The following DOCK9 variants were observed in gnomAD, a reference collection of about 807,000 sequenced individuals.
DOCK9 encodes dedicator of cytokinesis 9.
Under a neutral mutation model 263.3 loss-of-function variants are expected in DOCK9, and 89 were observed. The ratio of observed to expected loss-of-function variants is 0.34; its 90% confidence interval spans 0.28 to 0.40. The LOEUF (loss-of-function observed/expected upper bound fraction) is 0.40. Ranked by LOEUF, DOCK9 falls within the 10% of genes least tolerant of loss-of-function variation. The pLI, the probability that DOCK9 is intolerant of heterozygous loss-of-function variation, is 1.00. For synonymous variants in DOCK9, 976 were observed against 973.1 expected, an observed-to-expected ratio of 1.00 and a Z score of -0.06; for missense variants, 2,140 against 2,603.4, an observed-to-expected ratio of 0.82 and a Z score of 3.87.
rs7326705 is a variant in DOCK9, at chr13:98,835,842, C to T, written c.4314+1652G>A. ...GCAACCTCCGCCTCCTGGGTTCAAGCGATTCCCCTGCCTTAGCCTCCCGTA... is the reference window on the plus strand; with the variant it reads ...GCAACCTCCGCCTCCTGGGTTCAAGTGATTCCCCTGCCTTAGCCTCCCGTA... On this transcript the variant is annotated intron_variant, in intron 39 of 52. Coordinates refer to ENST00000682017, the MANE Select transcript of DOCK9 (RefSeq NM_001366683.2). Among the ~76,000 whole-genome samples, 686 of 147,648 alleles carry T rather than the reference C, an allele frequency of 4.6e-3. 8 individuals carry two copies. The highest frequency in any genetic ancestry group is 0.016 in the African/African-American group (642 of 39,936).
At chr13:98,828,304 A>G (rs1189151899) in intron 43 of DOCK9, among the ~76,000 whole-genome samples, 1 of 152,242 alleles carries the variant, frequency 6.6e-6, no homozygotes, top group Non-Finnish European at 1.5e-5. Flanking sequence ...TAATTCACAG[A>G]GGAACAGCTG....
rs750627318 is a variant in DOCK9, at chr13:98,888,163, G to C, written c.2038C>G (p.Leu680Val). 1.1e-5 allele frequency: 18 copies of C among 1,598,868 alleles called. No homozygotes were observed. The highest frequency in any genetic ancestry group is 1.4e-5 in the Non-Finnish European group (17 of 1,173,540). The change falls in exon 18 of 53, where the codon CTT (leucine) becomes GTT (valine). Residue 680 changes from leucine (L) to valine (V), a missense_variant. By Grantham distance (32) the Leu-to-Val change is conservative (BLOSUM62 1). Coordinates refer to ENST00000682017, the MANE Select transcript of DOCK9 (RefSeq NM_001366683.2). Reference sequence around the variant, plus strand: ...TATATTAAAAAAAAACAAACCTTAAGGGGCTGAGAGTCTTCCTCATCTGAA... The same window carrying C: ...TATATTAAAAAAAAACAAACCTTAACGGGCTGAGAGTCTTCCTCATCTGAA... ...KDSDEEDSQP[L>V]KCIYGRPGGP...
At chr13:98,931,312 T>TTTTAG (rs1241079681) in intron 2 of DOCK9, among the ~76,000 whole-genome samples, 2 of 151,510 alleles carry the variant, frequency 1.3e-5, no homozygotes, top group Non-Finnish European at 2.9e-5. Flanking sequence ...TTTTATTTTA[T>TTTTAG]TTTTTGAGAC....
chr13:98,999,271 T>C (rs1236882458), intron 1 of DOCK9, among the ~76,000 whole-genome samples: 1 of 131,844 alleles, frequency 7.6e-6, no homozygotes, highest in Non-Finnish European at 1.7e-5. Flanking sequence ...TATGAACAGA[T>C]GTGTGCACGC....
chr13:98,868,002 T>C lies in DOCK9; in HGVS notation c.3100A>G (p.Thr1034Ala). ...AAGACAAAGCCCCTGTCCATGAAGG[T>C]GAAACATCTCTGTGGAGGAAAACAA... ...SLAVFIKRCF[T>A]FMDRGFVFKQ... is the part of the protein sequence containing the mutation. The change falls in exon 29 of 53, where the codon ACC becomes GCC. Residue 1034 changes from threonine to alanine, a missense_variant. Thr to Ala is a moderately conservative substitution (Grantham distance 58, BLOSUM62 0). Transcript: ENST00000682017. The C allele has an allele frequency of 6.2e-7, 1 of 1,613,490 alleles. No homozygotes were observed. Among genetic ancestry groups the C allele is most frequent in the Non-Finnish European group, 8.5e-7 (1 of 1,179,732 alleles).
At chr13:98,867,634 G>A (rs2094068408) in intron 29 of DOCK9, 98 bp from the exon 30 acceptor site, 3 of 824,394 alleles carry the variant, frequency 3.6e-6, no homozygotes, top group Non-Finnish European at 5.9e-6. Flanking sequence ...ATAGTCATTA[G>A]CTTCTTGACC....
At chr13:98,804,316 C>T (rs1339332687) in intron 49 of DOCK9, among the ~76,000 whole-genome samples, 1 of 152,186 alleles carries the variant, frequency 6.6e-6, no homozygotes, top group African/African-American at 2.4e-5. Context: ...GTCAAGCTCT[C>T]CCACAGAAGG....
intron 18 of DOCK9, 141 bp from the exon 19 acceptor site, chr13:98,886,765 C>T (rs759199200): frequency 1.9e-4 from 144 of 744,308 alleles, no homozygotes; most frequent in Non-Finnish European, 2.8e-4. Flanking sequence ...CTGTGAGCCC[C>T]GGACTGCTGG....
At chr13:99,072,265 G>A (rs528506177) in intron 1 of DOCK9, among the ~76,000 whole-genome samples, 5 of 152,036 alleles carry the variant, frequency 3.3e-5, no homozygotes, top group Non-Finnish European at 4.4e-5. Flanking sequence ...ACAGCGCTAC[G>A]GTCCCTTCCA....
intron 1 of DOCK9, among the ~76,000 whole-genome samples, chr13:99,009,139 T>C (rs914813139): frequency 5.3e-5 from 8 of 152,232 alleles, no homozygotes; most frequent in Non-Finnish European, 7.3e-5. Flanking sequence ...GGAATCCCAC[T>C]GATAAATAAG....
At chr13:98,907,833 C>T (rs189101883) in intron 9 of DOCK9, among the ~76,000 whole-genome samples, 1 of 152,222 alleles carries the variant, frequency 6.6e-6, no homozygotes, top group East Asian at 1.9e-4. Flanking sequence ...CAGGACTTTG[C>T]CCCAGAGTCA....
intron 18 of DOCK9, 109 bp downstream of exon 18, chr13:98,888,049 G>T: frequency 1.4e-6 from 1 of 698,324 alleles, no homozygotes; most frequent in Non-Finnish European, 2.4e-6. Context: ...TTTGATTTGT[G>T]TCAATTAAAA....
chr13:99,073,538 T>C, intron 1 of DOCK9, among the ~76,000 whole-genome samples: 1 of 152,126 alleles, frequency 6.6e-6, no homozygotes, highest in East Asian at 1.9e-4. Flanking sequence ...GGGTTCTCCT[T>C]GACCAGGTCT....
chr13:99,016,144 G>C (rs1272452968), intron 1 of DOCK9: 1 of 151,896 alleles, frequency 6.6e-6, no homozygotes, highest in African/African-American at 2.4e-5. Context: ...CTCTTTCCTT[G>C]ACCTAAATAT....
At chr13:98,967,157 T>G (rs2059292144) in intron 1 of DOCK9, among the ~76,000 whole-genome samples, 1 of 152,268 alleles carries the variant, frequency 6.6e-6, no homozygotes, top group African/African-American at 2.4e-5. Context: ...ACAAGTTGCT[T>G]ATTTAACCTT....
intron 48 of DOCK9, 41 bp downstream of exon 48, chr13:98,807,617 CACA>C (rs1566543434): frequency 1.4e-6 from 2 of 1,467,318 alleles, no homozygotes; most frequent in Non-Finnish European, 1.8e-6. Flanking sequence ...TGTAATCAAT[CACA>C]ACATTACATT....
At chr13:99,025,815 T>C (rs932070259) in intron 1 of DOCK9, among the ~76,000 whole-genome samples, 1 of 152,192 alleles carries the variant, frequency 6.6e-6, no homozygotes, top group Non-Finnish European at 1.5e-5. Flanking sequence ...AATTGATAAA[T>C]GGATAAACAA....
Position 98,860,475 on chromosome 13 carries a change from C to T in DOCK9, c.3627G>A (p.Val1209=). ...SLALPAVNPL[V]TPQKGSTLDN... is the part of the protein sequence containing the mutation. ...CCAGGGTGCTTCCCTTCTGCGGCGTCACCAGCGGATTCACAGCTGGTAGAG... is the reference window on the plus strand; with the variant it reads ...CCAGGGTGCTTCCCTTCTGCGGCGTTACCAGCGGATTCACAGCTGGTAGAG... The change falls in exon 33 of 53, where the codon GTG becomes GTA. Residue 1209 remains valine, a synonymous_variant. Coordinates refer to ENST00000682017, the MANE Select transcript of DOCK9 (RefSeq NM_001366683.2). 1 of 1,587,556 alleles carries T rather than the reference C, an allele frequency of 6.3e-7. No homozygotes were observed.
At chr13:98,965,733 G>A (rs1380429487) in intron 1 of DOCK9, among the ~76,000 whole-genome samples, 19 of 152,218 alleles carry the variant, frequency 1.2e-4, no homozygotes, top group Admixed American at 1.2e-3. Context: ...AAACCTGAGT[G>A]TTAAACTACA....
Sources: allele counts gnomAD v4.1 joint callset (sites outside exome capture counted in the v4.1 genomes callset), GRCh38; gene constraint gnomAD v4.1.1; transcripts MANE v1.5; gene names NCBI Gene and HGNC (gene_info 2026-07-23, HGNC 2026-07-21).